ZNF143: variants seen among roughly 807,000 people sequenced by gnomAD.
The protein encoded by ZNF143 is zinc finger protein 143, also known as SPH-binding factor.
ZNF143 carries 49 observed loss-of-function variants against 74.1 expected under a neutral mutation model. That is an observed-to-expected ratio of 0.66 (90% CI 0.53 to 0.84). The LOEUF (loss-of-function observed/expected upper bound fraction) is 0.84. Among genes scored for constraint, ZNF143 ranks in the 40% least tolerant of loss-of-function variants. The probability of loss-of-function intolerance (pLI) is 0.00; values close to 1 mark genes in which losing one functional copy is unlikely to be tolerated. For synonymous variants in ZNF143, 304 were observed against 282.8 expected (o/e 1.07, Z -0.75); for missense variants, 637 against 793.4 (o/e 0.80, Z 2.37).
chr11:9,496,962 C>G lies in ZNF143; in HGVS notation c.841+584C>G, dbSNP rs547878152. Among the ~76,000 whole-genome samples the G allele has an allele frequency of 9.3e-4, 141 of 152,296 alleles. 2 individuals are homozygous for G. In the South Asian group the frequency reaches 0.014, roughly 15 times the overall value. Reference sequence around the variant, plus strand: ...GTTTATTTTAGCGGGAAAATAAAAGCCAAGCTTTAAAGGCTGTCATAGACT... The same window carrying G: ...GTTTATTTTAGCGGGAAAATAAAAGGCAAGCTTTAAAGGCTGTCATAGACT... On this transcript the variant is annotated intron_variant, in intron 9 of 15. Transcript: ENST00000396602.
intron 14 of ZNF143, among the ~76,000 whole-genome samples, chr11:9,516,836 G>A (rs575262481): frequency 1.3e-5 from 2 of 152,088 alleles, no homozygotes; most frequent in Admixed American, 1.3e-4. Flanking sequence ...TCAGTTTTTT[G>A]TGTATTCTTC....
intron 3 of ZNF143, 35 bp from the exon 4 acceptor site, chr11:9,473,906 T>G (rs1378971885): frequency 1.9e-6 from 3 of 1,613,552 alleles, no homozygotes; most frequent in Non-Finnish European, 2.5e-6. Flanking sequence ...AATTTTTGTT[T>G]GTGCCAATTT....
intron 11 of ZNF143, among the ~76,000 whole-genome samples, chr11:9,503,499 C>T (rs888049038): frequency 1.3e-5 from 2 of 152,194 alleles, no homozygotes; most frequent in African/African-American, 4.8e-5. Flanking sequence ...CCAGTTTCTC[C>T]ACATCCCAGC....
Position 9,508,661 on chromosome 11 carries a change from G to C in ZNF143, c.1190G>C (p.Arg397Thr), listed in dbSNP as rs1450024295. ...TGTACAGTTCCTGGGTGTGACAAAA[G>C]GTTTACAGAATATTCCAGTTTGTAC... ...YVCTVPGCDK[R>T]FTEYSSLYKH... is the part of the protein sequence containing the mutation. Residue 397 changes from arginine to threonine, a missense_variant, in exon 12 of 16, where the codon AGG becomes ACG. Arg to Thr is a moderately conservative substitution (Grantham distance 71). This residue lies in a region of ZNF143 where 344 missense variants were observed against 485.6 expected (regional missense o/e 0.71). Coordinates refer to ENST00000396602, the MANE Select transcript of ZNF143 (RefSeq NM_003442.6). 6.2e-7 allele frequency: 1 copy of C among 1,613,728 alleles called. No individual in the cohort carries two copies. Among genetic ancestry groups the C allele is most frequent in the South Asian group, 1.1e-5 (1 of 91,072 alleles).
chr11:9,466,268 C>T (rs937262571), intron 1 of ZNF143, among the ~76,000 whole-genome samples: 2 of 150,806 alleles, frequency 1.3e-5, no homozygotes, highest in Non-Finnish European at 2.9e-5. Flanking sequence ...CAGACGTGAG[C>T]CACCATGCGC....
At chr11:9,489,557 G>C (rs1009132221) in intron 7 of ZNF143, among the ~76,000 whole-genome samples, 1 of 152,012 alleles carries the variant, frequency 6.6e-6, no homozygotes, top group East Asian at 1.9e-4. Context: ...CAAATTCCTG[G>C]TATATGTTTC....
At chr11:9,465,015 A>C (rs539383268) in intron 1 of ZNF143, among the ~76,000 whole-genome samples, 156 of 152,314 alleles carry the variant, frequency 1.0e-3, no homozygotes, top group African/African-American at 3.6e-3. Context: ...AATTTTTGAC[A>C]ACTTAGGAAA....
chr11:9,472,988 G>A (rs1856673959), intron 3 of ZNF143, among the ~76,000 whole-genome samples: 1 of 150,842 alleles, frequency 6.6e-6, no homozygotes, highest in South Asian at 2.1e-4. Flanking sequence ...ATCAAAATTA[G>A]TGGGAGAGAG....
At chr11:9,520,186 C>T (rs1197080419) in intron 14 of ZNF143, among the ~76,000 whole-genome samples, 3 of 151,568 alleles carry the variant, frequency 2.0e-5, no homozygotes, top group Non-Finnish European at 2.9e-5. Flanking sequence ...CAGGCACCCA[C>T]CAGCATGCCC....
Position 9,487,390 on chromosome 11 carries a change from C to T in ZNF143, c.646-7256C>T, listed in dbSNP as rs549191260. Among the ~76,000 whole-genome samples, 46 of 151,170 alleles carry T rather than the reference C, an allele frequency of 3.0e-4. 2 individuals are homozygous for T. The highest frequency in any genetic ancestry group is 3.4e-3 in the Middle Eastern group (1 of 294). On this transcript the variant is annotated intron_variant, in intron 7 of 15. Transcript: ENST00000396602. The stretch of plus-strand genomic sequence containing the variant: ...GTTTGTTTGTTTTGAGACGGAGTCT[C>T]GCTCTATTGCCCAGGCTGGAGTGCA...
chr11:9,466,230 A>G (rs1378602947), intron 1 of ZNF143, among the ~76,000 whole-genome samples: 2 of 151,312 alleles, frequency 1.3e-5, no homozygotes, highest in African/African-American at 4.9e-5. Flanking sequence ...TGATCCACCC[A>G]TCTCAGCCTC....
At chr11:9,491,464 G>A (rs535751742) in intron 7 of ZNF143, among the ~76,000 whole-genome samples, 50 of 151,904 alleles carry the variant, frequency 3.3e-4, no homozygotes, top group Admixed American at 9.2e-4. Flanking sequence ...GTGAAACCCC[G>A]TCTCTACTAA....
At chr11:9,516,396 A>C in intron 14 of ZNF143, 34 bp downstream of exon 14, 1 of 1,558,116 alleles carries the variant, frequency 6.4e-7, no homozygotes, top group Non-Finnish European at 8.7e-7. Context: ...CAATCAATAC[A>C]TATATCAGTA....
chr11:9,512,437 G>C lies in ZNF143; in HGVS notation c.1376-11G>C. On this transcript the variant is annotated splice_polypyrimidine_tract_variant and intron_variant, in intron 12 of 15. Coordinates refer to ENST00000396602, the MANE Select transcript of ZNF143 (RefSeq NM_003442.6). Reference sequence around the variant, plus strand: ...GGTTGGTCAAATAAATGATTCATTTGTTTTAAACAGGTCAAGGTGAAGATG... The same window carrying C: ...GGTTGGTCAAATAAATGATTCATTTCTTTTAAACAGGTCAAGGTGAAGATG... The C allele has an allele frequency of 6.2e-7, 1 of 1,609,270 alleles. No homozygotes were observed.
At chr11:9,490,579 G>A (rs570105520) in intron 7 of ZNF143, among the ~76,000 whole-genome samples, 26 of 151,944 alleles carry the variant, frequency 1.7e-4, no homozygotes, top group Non-Finnish European at 3.5e-4. Context: ...GAGCTGCCGT[G>A]CCTGGTAGAA....
intron 1 of ZNF143, 93 bp from the exon 2 acceptor site, chr11:9,471,209 C>T: frequency 1.9e-6 from 2 of 1,055,130 alleles, no homozygotes. Flanking sequence ...CCATTACATC[C>T]TCAGCAGCTT....
Position 9,486,420 on chromosome 11 carries a change from T to TATA in ZNF143, c.645+6874_645+6875insATA, listed in dbSNP as rs368754514. ...TAATATATTATATATATAATATATA[T>TATA]TATATATATTATATATATAATATAT... On this transcript the variant is annotated intron_variant, in intron 7 of 15. Transcript: ENST00000396602. 5.4e-3 allele frequency among the ~76,000 whole-genome samples: 167 copies of TATA among 30,976 alleles called. 3 individuals carry two copies. Among genetic ancestry groups the TATA allele is most frequent in the Non-Finnish European group, 8.6e-3 (134 of 15,644 alleles). The allele number at this position is 30,976 out of a possible 152,430, so 20.3% of individuals were successfully genotyped here.
chr11:9,473,899 T>A (rs1454753023), intron 3 of ZNF143, 42 bp from the exon 4 acceptor site: 6 of 1,613,362 alleles, frequency 3.7e-6, no homozygotes, highest in Non-Finnish European at 5.1e-6. Flanking sequence ...AGTTTAAAAT[T>A]TTTGTTTGTG....
chr11:9,501,379 C>T, intron 11 of ZNF143, 109 bp downstream of exon 11: 1 of 1,306,316 alleles, frequency 7.7e-7, no homozygotes, highest in South Asian at 1.4e-5. Context: ...TATCACTTGG[C>T]ATGGTGGAAA....
Sources: gnomAD v4.1 joint callset for allele counts (sites outside exome capture counted in the v4.1 genomes callset) on GRCh38, gnomAD v4.1.1 for gene constraint, gnomAD v4.1.1 regional missense constraint, MANE v1.5 for transcripts, NCBI Gene and HGNC (gene_info 2026-07-23, HGNC 2026-07-21) for gene names.